The following ADAM9 variants were observed in gnomAD, a reference collection of about 807,000 sequenced individuals.
ADAM9 encodes the protein ADAM metallopeptidase domain 9.
Under a neutral mutation model 108.1 loss-of-function variants are expected in ADAM9, and 54 were observed. The observed-to-expected ratio is 0.50, with a 90% CI of 0.40 to 0.63. The LOEUF is 0.63. Ranked by LOEUF, ADAM9 falls within the 20% of genes least tolerant of loss-of-function variation. The probability of loss-of-function intolerance (pLI) is 0.00; values close to 1 mark genes in which losing one functional copy is unlikely to be tolerated. For missense variants in ADAM9, 830 were observed against 997.7 expected, an observed-to-expected ratio of 0.83 and a Z score of 2.26; for synonymous variants, 316 against 336.0, an observed-to-expected ratio of 0.94 and a Z score of 0.65.
chr8:39,075,532 A>C (rs1838827941), intron 15 of ADAM9, among the ~76,000 whole-genome samples: 1 of 152,236 alleles, frequency 6.6e-6, no homozygotes, highest in Admixed American at 6.5e-5. Flanking sequence ...TCAACAGTGA[A>C]TGAGCATCTC....
chr8:39,102,068 A>G, intron 21 of ADAM9, 138 bp downstream of exon 21: 2 of 774,886 alleles, frequency 2.6e-6, no homozygotes, highest in South Asian at 1.7e-5. Context: ...ATTTGCAGAA[A>G]GGTTTTAAAA....
At chr8:39,037,759 C>T (rs1034091613) in intron 11 of ADAM9, among the ~76,000 whole-genome samples, 12 of 152,112 alleles carry the variant, frequency 7.9e-5, no homozygotes, top group African/African-American at 2.9e-4. Context: ...CTGTGCTTAC[C>T]ACATAAAGAT....
rs762934049 is a variant in ADAM9 at position 39,023,374 on chromosome 8, AT to A, written c.914+54del. On this transcript the variant is annotated intron_variant, in intron 9 of 21. Coordinates refer to ENST00000487273, the MANE Select transcript of ADAM9 (RefSeq NM_003816.3). ...TATTAATGAAATAATCAAAATAATAATTTTTGCTTATTTTCTTGTATTAGAA... is the reference window on the plus strand; with the variant it reads ...TATTAATGAAATAATCAAAATAATAATTTTGCTTATTTTCTTGTATTAGAA... 4.1e-5 allele frequency: 62 copies of A among 1,518,122 alleles called. 1 individual carries two copies. In the South Asian group the frequency reaches 6.1e-4, roughly 15 times the overall value. 94.0% of individuals were successfully genotyped at this position (1,518,122 alleles called of 1,614,324 possible). A position where few individuals can be genotyped will look rare whatever the true frequency, so the allele number is the denominator to read the frequency against.
intron 14 of ADAM9, among the ~76,000 whole-genome samples, chr8:39,064,320 A>C (rs913366114): frequency 6.6e-6 from 1 of 152,220 alleles, no homozygotes. Context: ...TCAATTCAGA[A>C]AACTCATTCT....
chr8:39,017,931 A>T (rs116450202), intron 6 of ADAM9, among the ~76,000 whole-genome samples: 1 of 152,242 alleles, frequency 6.6e-6, no homozygotes, highest in African/African-American at 2.4e-5. Context: ...AGACAACTCA[A>T]ATGGTGATTC....
At chr8:39,010,811 G>A (rs959527759) in intron 2 of ADAM9, among the ~76,000 whole-genome samples, 13 of 152,124 alleles carry the variant, frequency 8.5e-5, no homozygotes, top group African/African-American at 2.9e-4. Flanking sequence ...TAAAGACACG[G>A]AAGTGGCCCA....
intron 11 of ADAM9, among the ~76,000 whole-genome samples, chr8:39,027,733 C>A (rs1044454655): frequency 6.6e-6 from 1 of 151,970 alleles, no homozygotes; most frequent in Non-Finnish European, 1.5e-5. Context: ...AACTGTAGTT[C>A]GTACGTGTGT....
At chr8:39,011,186 G>C (rs1836343839) in intron 2 of ADAM9, among the ~76,000 whole-genome samples, 1 of 152,002 alleles carries the variant, frequency 6.6e-6, no homozygotes, top group South Asian at 2.1e-4. Context: ...GTTAATGTGA[G>C]GGAAAAAAGC....
intron 12 of ADAM9, among the ~76,000 whole-genome samples, chr8:39,047,543 A>G (rs1837812314): frequency 6.6e-6 from 1 of 151,846 alleles, no homozygotes; most frequent in South Asian, 2.1e-4. Context: ...GTTTCTAGGA[A>G]TTTATCCGTT....
intron 12 of ADAM9, among the ~76,000 whole-genome samples, chr8:39,045,127 CATACATACATATATGTGTATATATGTGT>C (rs1564297890): frequency 1.4e-4 from 7 of 49,536 alleles, no homozygotes; most frequent in African/African-American, 2.3e-4. Flanking sequence ...TGTGTGTGTG[CATACATACATATATGTGTATATATGTGT>C]ATACATACAT....
At chr8:39,040,526 G>A (rs1206061200) in intron 11 of ADAM9, among the ~76,000 whole-genome samples, 2 of 152,080 alleles carry the variant, frequency 1.3e-5, no homozygotes, top group Non-Finnish European at 2.9e-5. Context: ...TTTAAAAATC[G>A]AGTTATTTGT....
At chr8:39,078,249 T>C (rs1838910556) in intron 16 of ADAM9, among the ~76,000 whole-genome samples, 2 of 151,876 alleles carry the variant, frequency 1.3e-5, no homozygotes, top group South Asian at 4.1e-4. Context: ...TTGCAGCTGT[T>C]ATAAACAATG....
chr8:39,085,599 A>C (rs35070279), intron 18 of ADAM9, among the ~76,000 whole-genome samples: 1 of 127,858 alleles, frequency 7.8e-6, no homozygotes, highest in Admixed American at 7.4e-5. Context: ...TAACTGGGCA[A>C]GGATTTTGGG....
intron 13 of ADAM9, 135 bp downstream of exon 13, chr8:39,054,708 C>G: frequency 2.9e-6 from 2 of 683,846 alleles, no homozygotes; most frequent in Non-Finnish European, 4.9e-6. Flanking sequence ...AAATTTTATG[C>G]CACTTGTGTA....
intron 15 of ADAM9, 60 bp downstream of exon 15, chr8:39,071,463 ATCT>A: frequency 1.3e-5 from 10 of 797,730 alleles, no homozygotes; most frequent in Non-Finnish European, 1.9e-5. Context: ...CATCTCTAGT[ATCT>A]TTTTTTTTTT....
At chr8:39,054,438 T>A (rs928490208) in intron 12 of ADAM9, 43 bp from the exon 13 acceptor site, 2 of 1,523,910 alleles carry the variant, frequency 1.3e-6, no homozygotes, top group Admixed American at 1.7e-5. Context: ...AGTATTCATG[T>A]CAATTACTAA....
In ADAM9 at chr8:39,103,824, AG is replaced by A. The variant is rs1263426468; in HGVS notation, c.*125del. On this transcript the variant is annotated 3_prime_UTR_variant, in exon 22 of 22. Transcript: ENST00000487273. ...GAATGAAAACAAAACACCACAAAAC[AG>A]ACTTCACTAACACAGAAAAACAGAA... The A allele has an allele frequency of 5.6e-6, 5 of 894,580 alleles. No homozygotes were observed. Among genetic ancestry groups the A allele is most frequent in the African/African-American group, 3.3e-5 (2 of 61,112 alleles). 55.4% of individuals were successfully genotyped at this position (894,580 alleles called of 1,614,324 possible).
rs560445503 is a variant in ADAM9 at position 39,055,713 on chromosome 8, A to G, written c.1532A>G (p.Tyr511Cys). 14 of 1,613,622 alleles carry G rather than the reference A, an allele frequency of 8.7e-6. No individual in the cohort carries two copies. Among genetic ancestry groups the G allele is most frequent in the Middle Eastern group, 3.3e-4 (2 of 6,080 alleles). The change falls in exon 14 of 22, where the codon TAT (tyrosine) becomes TGT (cysteine). Residue 511 changes from tyrosine to cysteine, a missense_variant. Coordinates refer to ENST00000487273, the MANE Select transcript of ADAM9 (RefSeq NM_003816.3). ...NGYPCQNNKA[Y>C]CYNGMCQYYD... The stretch of plus-strand genomic sequence containing the variant: ...TATCCTTGCCAGAATAACAAAGCCT[A>G]TTGCTACAACGGCATGTGCCAGTAT...
At chr8:39,001,959 C>T (rs1000313450) in intron 1 of ADAM9, among the ~76,000 whole-genome samples, 7 of 150,672 alleles carry the variant, frequency 4.6e-5, no homozygotes, top group Admixed American at 6.6e-5. Flanking sequence ...TGAGCCACCA[C>T]GCCCAGCCCA....
Sources: allele counts gnomAD v4.1 joint callset (sites outside exome capture counted in the v4.1 genomes callset), GRCh38; gene constraint gnomAD v4.1.1; transcripts MANE v1.5; gene names NCBI Gene and HGNC (gene_info 2026-07-23, HGNC 2026-07-21).